The following USP7 variants were observed in gnomAD, a reference collection of about 807,000 sequenced individuals.
USP7 encodes ubiquitin C-terminal hydrolase 7.
In USP7, 9 loss-of-function variants were observed where a neutral mutation model predicts 162.9. The ratio of observed to expected loss-of-function variants is 0.06; its 90% CI spans 0.03 to 0.10. The LOEUF (loss-of-function observed/expected upper bound fraction) is 0.10. USP7 is among the 10% of genes least tolerant of loss of function. The pLI is 1.00. For missense variants in USP7, 715 were observed against 1,373.7 expected (o/e 0.52, Z 7.58); for synonymous variants, 562 against 475.9 (o/e 1.18, Z -2.35).
chr16:8,940,154 G>A (rs1478397548), intron 1 of USP7, among the ~76,000 whole-genome samples: 2 of 152,010 alleles, frequency 1.3e-5, no homozygotes, highest in Non-Finnish European at 1.5e-5. Flanking sequence ...GACTCCAAAT[G>A]ATGCTCTCAC....
chr16:8,916,171 C>T (rs528695418), intron 8 of USP7, among the ~76,000 whole-genome samples: 35 of 152,332 alleles, frequency 2.3e-4, no homozygotes, highest in Non-Finnish European at 4.6e-4. Flanking sequence ...CACCACTGTA[C>T]AGTGACTCAG....
chr16:8,932,105 C>G (rs887074992), intron 1 of USP7, among the ~76,000 whole-genome samples: 1 of 152,184 alleles, frequency 6.6e-6, no homozygotes, highest in Non-Finnish European at 1.5e-5. Flanking sequence ...TAGATTACAT[C>G]ATAAACCTCT....
chr16:8,961,889 T>C (rs915251483), intron 1 of USP7, among the ~76,000 whole-genome samples: 43 of 152,222 alleles, frequency 2.8e-4, no homozygotes, highest in African/African-American at 9.4e-4. Context: ...ACCCAGTCCT[T>C]GGCGTGGACT....
intron 1 of USP7, among the ~76,000 whole-genome samples, chr16:8,958,135 A>AC (rs1209019678): frequency 2.0e-5 from 3 of 152,266 alleles, no homozygotes; most frequent in Non-Finnish European, 4.4e-5. Context: ...CCTTCAGAGC[A>AC]AACAAGCCAA....
intron 15 of USP7, 140 bp downstream of exon 15, chr16:8,904,292 ACCT>A: frequency 7.0e-7 from 1 of 1,428,934 alleles, no homozygotes; most frequent in Non-Finnish European, 9.4e-7. Flanking sequence ...GTGGGGACTG[ACCT>A]GCACTTGCGT....
intron 1 of USP7, among the ~76,000 whole-genome samples, chr16:8,956,794 G>C (rs559049350): frequency 0.029 from 4,402 of 149,742 alleles, 163 homozygotes; most frequent in African/African-American, 0.084. Flanking sequence ...AAAAAACACT[G>C]AATTTGCTTT....
rs1421063569 is a variant in USP7, at chr16:8,902,160, G to T, written c.1969C>A (p.Pro657Thr). Residue 657 changes from proline (P) to threonine (T), a missense_variant, in exon 18 of 31, where the codon CCT becomes ACT. This residue lies in a region of USP7 where 197 missense variants were observed against 306.5 expected (regional missense o/e 0.64). Transcript: ENST00000344836. Reference protein sequence around the residue: ...TMIELSDNENPWTIFLETVDP... With the variant: ...TMIELSDNENTWTIFLETVDP... ...ACTGTTTCCAGGAATATTGTCCAAG[G>T]GTTTTCATTATCACTGAGCTCAATC... is the stretch of plus-strand genomic sequence containing the variant. 1.2e-6 allele frequency: 2 copies of T among 1,614,004 alleles called. No homozygotes were observed. Among genetic ancestry groups the T allele is most frequent in the African/African-American group, 1.3e-5 (1 of 74,896 alleles).
chr16:8,906,299 G>C (rs999612933), intron 13 of USP7, 127 bp downstream of exon 13: 2 of 1,054,432 alleles, frequency 1.9e-6, no homozygotes, highest in Non-Finnish European at 2.7e-6. Context: ...GCATTTAGCA[G>C]CCAGAGAATA....
chr16:8,906,025 G>A (rs1245151079), intron 13 of USP7, among the ~76,000 whole-genome samples: 2 of 152,198 alleles, frequency 1.3e-5, no homozygotes, highest in African/African-American at 2.4e-5. Flanking sequence ...TCCCAAGAGT[G>A]GTGGTGAAGA....
chr16:8,928,382 T>A (rs1898131869), intron 2 of USP7, among the ~76,000 whole-genome samples: 1 of 152,198 alleles, frequency 6.6e-6, no homozygotes, highest in Non-Finnish European at 1.5e-5. Flanking sequence ...AGGGAATCAT[T>A]AACAAAAACT....
chr16:8,904,662 G>A (rs898540925), intron 14 of USP7, 97 bp from the exon 15 acceptor site: 16 of 1,523,292 alleles, frequency 1.1e-5, no homozygotes, highest in Non-Finnish European at 1.3e-5. Context: ...TAATCTATTA[G>A]GCCGGCGTGG....
intron 2 of USP7, among the ~76,000 whole-genome samples, chr16:8,927,124 C>A (rs1414469366): frequency 6.6e-6 from 1 of 152,088 alleles, no homozygotes; most frequent in Non-Finnish European, 1.5e-5. Flanking sequence ...GCGAGACCAG[C>A]AGCCTGGCCA....
intron 1 of USP7, among the ~76,000 whole-genome samples, chr16:8,946,718 C>CA (rs1312606254): frequency 6.6e-6 from 1 of 152,234 alleles, no homozygotes; most frequent in African/African-American, 2.4e-5. Flanking sequence ...CCAGCAGATG[C>CA]AAAGGCGGCC....
In USP7 at chr16:8,910,870, T is replaced by G. The variant is rs774410432; in HGVS notation, c.1079-43A>C. Reference sequence around the variant, plus strand: ...GAAAAGTCAAGTGCTAAAGCTTCATTTATAATGTAGCCAACACAGGTGTAA... The same window carrying G: ...GAAAAGTCAAGTGCTAAAGCTTCATGTATAATGTAGCCAACACAGGTGTAA... On this transcript the variant is annotated intron_variant, in intron 10 of 30. Transcript: ENST00000344836. The G allele has an allele frequency of 8.8e-5, 135 of 1,528,426 alleles. 2 individuals are homozygous for G. The South Asian group carries it at 1.5e-3, about 17-fold the overall frequency. The allele number at this position is 1,528,426 out of a possible 1,614,324, so 94.7% of individuals were successfully genotyped here. A position where few individuals can be genotyped will look rare whatever the true frequency, so the allele number is the denominator to read the frequency against.
intron 16 of USP7, 74 bp downstream of exon 16, chr16:8,903,194 T>A: frequency 6.4e-7 from 1 of 1,558,822 alleles, no homozygotes; most frequent in African/African-American, 1.4e-5. Context: ...AGGCAATCAG[T>A]ATTTTCTAGT....
chr16:8,897,178 T>C (rs767753158), intron 25 of USP7, 79 bp from the exon 26 acceptor site: 17 of 1,124,758 alleles, frequency 1.5e-5, no homozygotes, highest in African/African-American at 9.3e-5. Context: ...GAGGAGAAAG[T>C]TGCATCATTG....
intron 6 of USP7, among the ~76,000 whole-genome samples, chr16:8,917,583 T>C (rs1596374951): frequency 6.6e-6 from 1 of 152,184 alleles, no homozygotes; most frequent in African/African-American, 2.4e-5. Flanking sequence ...TTTGCCATTT[T>C]GGCCAGACTG....
rs371189235 is a variant in USP7 at position 8,894,589 on chromosome 16, C to T, written c.3163G>A (p.Glu1055Lys). ...MGRHQYINED[E>K]YEVNLKDFEP... ...AAGTCTTTCAAATTTACTTCATACT[C>T]GTCTTCATTTATGTACTGGTGTCGG... The change falls in exon 30 of 31, where the codon GAG (glutamate) becomes AAG (lysine). Residue 1055 changes from glutamate (E) to lysine (K), a missense_variant. By Grantham distance (56) the Glu-to-Lys change is moderately conservative. Transcript: ENST00000344836. 1.5e-5 allele frequency: 24 copies of T among 1,613,504 alleles called. No homozygotes were observed. Among genetic ancestry groups the T allele is most frequent in the African/African-American group, 4.0e-5 (3 of 74,872 alleles).
At chr16:8,951,497 T>G (rs1018207793) in intron 1 of USP7, among the ~76,000 whole-genome samples, 2 of 152,086 alleles carry the variant, frequency 1.3e-5, no homozygotes, top group Non-Finnish European at 1.5e-5. Context: ...GCCGGATTCA[T>G]GTGATGAGCT....
Sources: gnomAD v4.1 joint callset for allele counts (sites outside exome capture counted in the v4.1 genomes callset) on GRCh38, gnomAD v4.1.1 for gene constraint, gnomAD v4.1.1 regional missense constraint, MANE v1.5 for transcripts, NCBI Gene and HGNC (gene_info 2026-07-23, HGNC 2026-07-21) for gene names.